Variants in HNRNPM observed in about 807,000 individuals in gnomAD.
HNRNPM encodes the protein heterogeneous nuclear ribonucleoprotein M, also known as CEA receptor.
A neutral mutation model predicts 73.1 loss-of-function variants in HNRNPM; 11 were observed. That is an observed-to-expected ratio of 0.15 (90% CI 0.09 to 0.25). HNRNPM has a LOEUF of 0.25. Ranked by LOEUF, HNRNPM falls within the 10% of genes least tolerant of loss-of-function variation. The pLI is 1.00. For missense variants in HNRNPM, 789 were observed against 1,067.9 expected (o/e 0.74, Z 3.64); for synonymous variants, 407 against 355.2 (o/e 1.15, Z -1.64).
chr19:8,462,396 G>GA lies in HNRNPM; in HGVS notation c.284-131dup, dbSNP rs1969466921. 5.2e-6 allele frequency: 4 copies of GA among 770,642 alleles called. No homozygotes were observed. The East Asian group carries it at 9.8e-5, about 19-fold the overall frequency. 47.7% of individuals were successfully genotyped at this position (770,642 alleles called of 1,614,324 possible). A position where few individuals can be genotyped will look rare whatever the true frequency, so the allele number is the denominator to read the frequency against. Reference sequence around the variant, plus strand: ...GTAATGCCTAGTTCGGTGGTTTAGAGAATATGGAGTGTTTCTGGGCTTTCT... The same window carrying GA: ...GTAATGCCTAGTTCGGTGGTTTAGAGAAATATGGAGTGTTTCTGGGCTTTCT... On this transcript the variant is annotated intron_variant, in intron 2 of 15. Coordinates refer to ENST00000325495, the MANE Select transcript of HNRNPM (RefSeq NM_005968.5). The surrounding 1 kb of genome is among the most constrained non-coding windows in gnomAD (Gnocchi z 4.5).
At chr19:8,446,050 A>ACTT (rs1968158905) in intron 1 of HNRNPM, among the ~76,000 whole-genome samples, 1 of 152,152 alleles carries the variant, frequency 6.6e-6, no homozygotes. Flanking sequence ...GACACTTAAG[A>ACTT]GAGACAGAGA....
intron 9 of HNRNPM, 149 bp from the exon 10 acceptor site, chr19:8,471,177 T>C (rs1003157114): frequency 8.6e-6 from 4 of 463,702 alleles, no homozygotes; most frequent in African/African-American, 6.1e-5. Context: ...TGTGCCGATG[T>C]TGAATTTTGC....
rs79195507 is a variant in HNRNPM, at chr19:8,480,669, A to T, written c.1121-2489A>T. Among the ~76,000 whole-genome samples the T allele has an allele frequency of 2.0e-3, 279 of 138,706 alleles. 1 individual carries two copies. Among genetic ancestry groups the T allele is most frequent in the Middle Eastern group, 3.7e-3 (1 of 270 alleles). The allele number at this position is 138,706 out of a possible 152,430, so 91.0% of individuals were successfully genotyped here. A position where few individuals can be genotyped will look rare whatever the true frequency, so the allele number is the denominator to read the frequency against. ...CAGAGTGAGACTCTGTCTCAAAATT[A>T]AAAAAAAAAAAAAGGCATCTTTACT... On this transcript the variant is annotated intron_variant, in intron 12 of 15. Coordinates refer to ENST00000325495, the MANE Select transcript of HNRNPM (RefSeq NM_005968.5).
chr19:8,482,503 G>T (rs949242830), intron 12 of HNRNPM: 4 of 152,226 alleles, frequency 2.6e-5, no homozygotes, highest in Non-Finnish European at 4.4e-5. Flanking sequence ...TTGGTGGGGG[G>T]TGCAATTTAG....
In HNRNPM at chr19:8,465,419, T is replaced by A. The variant is rs1969677488; in HGVS notation, c.534T>A (p.Thr178=). Residue 178 remains threonine (T), a synonymous_variant, in exon 6 of 16, where the codon ACT becomes ACA. Transcript: ENST00000325495. ...GACCAGGTGGCCCAGGAATGATTAC[T>A]ATCCCACCCAGTATCCTAAATAATC... ...GMGPGGPGMI[T]IPPSILNNPN... is the part of the protein sequence containing the mutation. 3 of 1,613,816 alleles carry A rather than the reference T, an allele frequency of 1.9e-6. No homozygotes were observed. The highest frequency in any genetic ancestry group is 3.3e-4 in the Middle Eastern group (2 of 6,084).
intron 10 of HNRNPM, among the ~76,000 whole-genome samples, chr19:8,473,374 T>C (rs1215838031): frequency 6.6e-6 from 1 of 151,998 alleles, no homozygotes; most frequent in Non-Finnish European, 1.5e-5. Flanking sequence ...GGCAGGAGAA[T>C]TGCTTGAACC....
chr19:8,447,752 C>T (rs1201461284), intron 1 of HNRNPM, among the ~76,000 whole-genome samples: 2 of 152,078 alleles, frequency 1.3e-5, no homozygotes, highest in African/African-American at 4.8e-5. Flanking sequence ...ACAGGCTGGG[C>T]CCGGCGGCTC....
chr19:8,469,267 G>C (rs888540910), intron 9 of HNRNPM, among the ~76,000 whole-genome samples: 1 of 152,166 alleles, frequency 6.6e-6, no homozygotes, highest in Non-Finnish European at 1.5e-5. Context: ...GATGAACCTC[G>C]ATTTCATCTA....
intron 1 of HNRNPM, among the ~76,000 whole-genome samples, chr19:8,452,167 A>G (rs866780019): frequency 6.6e-5 from 10 of 152,344 alleles, no homozygotes; most frequent in South Asian, 2.1e-4. Context: ...CCTGTGGAAT[A>G]TAGGTTAGAC....
At chr19:8,470,820 G>A (rs1017504238) in intron 9 of HNRNPM, among the ~76,000 whole-genome samples, 29 of 152,288 alleles carry the variant, frequency 1.9e-4, no homozygotes, top group Non-Finnish European at 3.7e-4. Context: ...AGCTTTGGGG[G>A]AAGGAAGATA....
At chr19:8,446,141 G>GAAAAA in intron 1 of HNRNPM, among the ~76,000 whole-genome samples, 1 of 152,306 alleles carries the variant, frequency 6.6e-6, no homozygotes, top group Admixed American at 6.5e-5. Context: ...TTATTTCATT[G>GAAAAA]TGGTAAAATA....
chr19:8,478,420 T>A lies in HNRNPM; in HGVS notation c.1120+4176T>A, dbSNP rs559476557. 1.2e-4 allele frequency among the ~76,000 whole-genome samples: 19 copies of A among 152,234 alleles called. 1 individual carries two copies. The highest frequency in any genetic ancestry group is 4.6e-4 in the African/African-American group (19 of 41,540). ...ATGGAGCGTGGCATGGGTGGAGGACTTGAAAGAGACTTTGCCAGGAAGGAG... is the reference window on the plus strand; with the variant it reads ...ATGGAGCGTGGCATGGGTGGAGGACATGAAAGAGACTTTGCCAGGAAGGAG... On this transcript the variant is annotated intron_variant, in intron 12 of 15. Coordinates refer to ENST00000325495, the MANE Select transcript of HNRNPM (RefSeq NM_005968.5).
chr19:8,468,333 G>T (rs886410811), intron 8 of HNRNPM, among the ~76,000 whole-genome samples: 1 of 152,186 alleles, frequency 6.6e-6, no homozygotes, highest in African/African-American at 2.4e-5. Flanking sequence ...TGCCGTAACT[G>T]TGCCAAAGAT....
intron 1 of HNRNPM, among the ~76,000 whole-genome samples, chr19:8,448,026 C>G (rs994543359): frequency 6.6e-6 from 1 of 150,624 alleles, no homozygotes; most frequent in Non-Finnish European, 1.5e-5. Flanking sequence ...ACTCCTTCTT[C>G]AAACAAACAA....
intron 1 of HNRNPM, among the ~76,000 whole-genome samples, chr19:8,451,190 A>G (rs961527804): frequency 6.6e-6 from 1 of 151,968 alleles, no homozygotes; most frequent in Admixed American, 6.6e-5. Flanking sequence ...TACAGACGTG[A>G]GCCACCGTGC....
At chr19:8,482,332 G>A (rs1267757848) in intron 12 of HNRNPM, among the ~76,000 whole-genome samples, 3 of 152,166 alleles carry the variant, frequency 2.0e-5, no homozygotes, top group African/African-American at 4.8e-5. Context: ...AAGTTGCTGA[G>A]CATATACTTT....
At position 8,450,817 on chromosome 19, in the gene HNRNPM, C is replaced by G. The variant is rs112447628; in HGVS notation, c.114-4588C>G. Among the ~76,000 whole-genome samples, 29 of 150,630 alleles carry G rather than the reference C, an allele frequency of 1.9e-4. 1 individual carries two copies. The highest frequency in any genetic ancestry group is 6.1e-4 in the African/African-American group (25 of 40,938). ...TCACTTCACTGCAACCTCCGCCTCCCGTTCAAGTGATTCTCCTGCCTCAGC... is the reference window on the plus strand; with the variant it reads ...TCACTTCACTGCAACCTCCGCCTCCGGTTCAAGTGATTCTCCTGCCTCAGC... On this transcript the variant is annotated intron_variant, in intron 1 of 15. Transcript: ENST00000325495.
intron 1 of HNRNPM, among the ~76,000 whole-genome samples, chr19:8,447,751 G>T (rs1240763170): frequency 1.3e-5 from 2 of 152,160 alleles, no homozygotes; most frequent in African/African-American, 4.8e-5. Context: ...AACAGGCTGG[G>T]CCCGGCGGCT....
intron 8 of HNRNPM, 80 bp downstream of exon 8, chr19:8,467,664 C>G: frequency 9.9e-7 from 1 of 1,008,836 alleles, no homozygotes. Context: ...CATATAGCCA[C>G]TATGAAATAT....
Sources: gnomAD v4.1 joint callset for allele counts (sites outside exome capture counted in the v4.1 genomes callset) on GRCh38, gnomAD v4.1.1 for gene constraint, Gnocchi (gnomAD v3.1) non-coding constraint, MANE v1.5 for transcripts, NCBI Gene and HGNC (gene_info 2026-07-23, HGNC 2026-07-21) for gene names.